OTUD7A: variants seen among roughly 807,000 people sequenced by gnomAD.
OTUD7A encodes the protein OTU deubiquitinase 7A, also known as OTU domain-containing protein 7A.
Under a neutral mutation model 65.7 loss-of-function variants are expected in OTUD7A, and 12 were observed. That is an observed-to-expected ratio of 0.18 (90% CI 0.12 to 0.30). The LOEUF (loss-of-function observed/expected upper bound fraction) is 0.30. Ranked by LOEUF, OTUD7A falls within the 10% of genes least tolerant of loss-of-function variation. The pLI is 1.00. For missense variants in OTUD7A, 1,148 were observed against 1,304.8 expected (o/e 0.88, Z 1.85); for synonymous variants, 641 against 586.3 (o/e 1.09, Z -1.35).
chr15:31,542,755 C>A (rs1334471225), intron 5 of OTUD7A, among the ~76,000 whole-genome samples: 2 of 151,266 alleles, frequency 1.3e-5, no homozygotes, highest in Non-Finnish European at 3.0e-5. Flanking sequence ...AAGAAAAAAA[C>A]CAGATTATCT....
At chr15:31,734,724 C>T (rs1192061578) in intron 1 of OTUD7A, among the ~76,000 whole-genome samples, 1 of 151,592 alleles carries the variant, frequency 6.6e-6, no homozygotes, top group Non-Finnish European at 1.5e-5. Context: ...GAAACTGAAC[C>T]CCTTCCTTCC....
At chr15:31,814,332 C>T (rs556078485) in intron 1 of OTUD7A, among the ~76,000 whole-genome samples, 6 of 152,272 alleles carry the variant, frequency 3.9e-5, no homozygotes, top group African/African-American at 7.2e-5. Context: ...CCTGCCCTGC[C>T]GCAAGAGGCC....
chr15:31,559,215 C>A, intron 4 of OTUD7A, 28 bp from the exon 5 acceptor site: 2 of 1,600,202 alleles, frequency 1.2e-6, no homozygotes, highest in Non-Finnish European at 1.7e-6. Context: ...AAGATAGCCC[C>A]AAGGGCTGAG....
At chr15:31,698,405 T>C (rs957344168) in intron 1 of OTUD7A, among the ~76,000 whole-genome samples, 9 of 152,170 alleles carry the variant, frequency 5.9e-5, no homozygotes, top group African/African-American at 2.2e-4. Flanking sequence ...CCAACCCATG[T>C]GGCACTGACA....
intron 3 of OTUD7A, among the ~76,000 whole-genome samples, chr15:31,652,120 G>T (rs1461178649): frequency 6.6e-6 from 1 of 152,072 alleles, no homozygotes; most frequent in Non-Finnish European, 1.5e-5. Context: ...ATGGCACAAT[G>T]TTGATAAAAG....
intron 1 of OTUD7A, among the ~76,000 whole-genome samples, chr15:31,762,761 A>C (rs1895001654): frequency 6.6e-6 from 1 of 152,234 alleles, no homozygotes; most frequent in Non-Finnish European, 1.5e-5. Context: ...TGATAAAACA[A>C]ACAAAATCAA....
intron 8 of OTUD7A, among the ~76,000 whole-genome samples, chr15:31,515,119 T>C (rs2041823506): frequency 6.6e-6 from 1 of 152,156 alleles, no homozygotes; most frequent in Non-Finnish European, 1.5e-5. Context: ...AAAACCTGCA[T>C]ACTTGGAGAG....
chr15:31,507,991 A>T lies in OTUD7A; in HGVS notation c.894-4173T>A, dbSNP rs2041608768. On this transcript the variant is annotated intron_variant, in intron 8 of 12. Transcript: ENST00000307050. ...GTGTTAATTAGAGGGCCAGGACATAAATATTTGTGTGAAAAGGCTAGCTGT... is the reference window on the plus strand; with the variant it reads ...GTGTTAATTAGAGGGCCAGGACATATATATTTGTGTGAAAAGGCTAGCTGT... 2.6e-5 allele frequency among the ~76,000 whole-genome samples: 4 copies of T among 152,284 alleles called. No homozygotes were observed. In the South Asian group the frequency reaches 8.3e-4, roughly 32 times the overall value.
At chr15:31,572,588 A>C (rs538039107) in intron 3 of OTUD7A, among the ~76,000 whole-genome samples, 70 of 152,324 alleles carry the variant, frequency 4.6e-4, no homozygotes, top group Middle Eastern at 3.4e-3. Flanking sequence ...AGTTAAACTT[A>C]ACATATGTAT....
chr15:31,669,888 G>A (rs188847222), intron 1 of OTUD7A, among the ~76,000 whole-genome samples: 12 of 150,664 alleles, frequency 8.0e-5, no homozygotes, highest in East Asian at 3.9e-4. Flanking sequence ...AGTTAAGGTC[G>A]GAAACTTCTC....
Position 31,864,760 on chromosome 15 carries a change from TACACACACACACAC to T in OTUD7A, c.-100+5733_-100+5746del, listed in dbSNP as rs72128495. On this transcript the variant is annotated intron_variant, in intron 1 of 12. Coordinates refer to ENST00000307050, the MANE Select transcript of OTUD7A (RefSeq NM_001382637.1). Reference sequence around the variant, plus strand: ...TCTTTTTACCCACACCTCCTCTTCCTACACACACACACACACACACACACACACACACACAAGTC... The same window carrying T: ...TCTTTTTACCCACACCTCCTCTTCCTACACACACACACACACACACAAGTC... 4.8e-5 allele frequency among the ~76,000 whole-genome samples: 7 copies of T among 146,574 alleles called. No homozygotes were observed. The South Asian group carries it at 1.3e-3, about 28-fold the overall frequency.
At chr15:31,505,834 C>A (rs1438412830) in intron 8 of OTUD7A, among the ~76,000 whole-genome samples, 1 of 151,538 alleles carries the variant, frequency 6.6e-6, no homozygotes, top group Non-Finnish European at 1.5e-5. Flanking sequence ...ACTGCAAGCT[C>A]CACCTCCCGG....
intron 8 of OTUD7A, among the ~76,000 whole-genome samples, chr15:31,516,918 G>A (rs573322370): frequency 3.3e-5 from 5 of 152,234 alleles, no homozygotes; most frequent in African/African-American, 7.2e-5. Flanking sequence ...CCATTGTGGC[G>A]GTGGATTGAA....
chr15:31,571,893 G>A (rs912724650), intron 3 of OTUD7A, among the ~76,000 whole-genome samples: 5 of 152,114 alleles, frequency 3.3e-5, no homozygotes, highest in Non-Finnish European at 5.9e-5. Flanking sequence ...TTCTAACATG[G>A]ATATTTTCAC....
intron 1 of OTUD7A, among the ~76,000 whole-genome samples, chr15:31,712,065 T>C (rs557319917): frequency 1.2e-4 from 18 of 151,894 alleles, no homozygotes; most frequent in African/African-American, 4.4e-4. Context: ...TCCTGAGTGA[T>C]CAGCTACCTC....
chr15:31,601,267 A>G (rs1415044457), intron 3 of OTUD7A, among the ~76,000 whole-genome samples: 1 of 152,228 alleles, frequency 6.6e-6, no homozygotes, highest in East Asian at 1.9e-4. Flanking sequence ...AGTCTCTCAT[A>G]CTACAGTGCA....
intron 4 of OTUD7A, among the ~76,000 whole-genome samples, chr15:31,563,098 T>C (rs1418148845): frequency 1.3e-5 from 2 of 152,090 alleles, no homozygotes; most frequent in African/African-American, 2.4e-5. Context: ...AAAAGTCAGA[T>C]CACAGTATGT....
intron 1 of OTUD7A, among the ~76,000 whole-genome samples, chr15:31,684,353 T>C (rs1435971541): frequency 2.0e-5 from 3 of 152,084 alleles, no homozygotes; most frequent in Admixed American, 2.0e-4. Context: ...ATCAACACTA[T>C]AAATTTCATG....
chr15:31,565,517 A>AT (rs1244416564), intron 4 of OTUD7A, among the ~76,000 whole-genome samples: 11 of 152,236 alleles, frequency 7.2e-5, no homozygotes, highest in Admixed American at 7.2e-4. Context: ...AATGCAAATT[A>AT]TTTTTAAAAT....
Sources: gnomAD v4.1 joint callset for allele counts (sites outside exome capture counted in the v4.1 genomes callset) on GRCh38, gnomAD v4.1.1 for gene constraint, MANE v1.5 for transcripts, NCBI Gene and HGNC (gene_info 2026-07-23, HGNC 2026-07-21) for gene names.